SCFD2: variants seen among roughly 807,000 people sequenced by gnomAD.
The protein encoded by SCFD2 is sec1 family domain containing 2.
Under a neutral mutation model 58.9 loss-of-function variants are expected in SCFD2, and 54 were observed. That is an observed-to-expected ratio of 0.92 (90% CI 0.74 to 1.15). The LOEUF is 1.15. Among genes scored for constraint, SCFD2 ranks in the 50% most tolerant of loss-of-function variants. The pLI is 0.00. For missense variants in SCFD2, 805 were observed against 836.6 expected (o/e 0.96, Z 0.47); for synonymous variants, 321 against 335.9 (o/e 0.96, Z 0.49).
At chr4:52,904,052 C>T (rs1266795274) in intron 7 of SCFD2, among the ~76,000 whole-genome samples, 1 of 152,138 alleles carries the variant, frequency 6.6e-6, no homozygotes, top group East Asian at 1.9e-4. Flanking sequence ...CACTCCACAC[C>T]CCACGGGAAT....
chr4:53,303,479 T>C (rs375594657), intron 3 of SCFD2, among the ~76,000 whole-genome samples: 4 of 152,032 alleles, frequency 2.6e-5, no homozygotes, highest in Admixed American at 1.3e-4. Flanking sequence ...TGTGGAAAAA[T>C]AGGAATACTT....
intron 3 of SCFD2, among the ~76,000 whole-genome samples, chr4:53,299,057 T>C (rs1453971203): frequency 4.6e-5 from 7 of 152,192 alleles, no homozygotes; most frequent in Non-Finnish European, 5.9e-5. Context: ...TCCAAAGGAA[T>C]GCAGCTCCTC....
At chr4:53,290,415 T>C (rs1402475673) in intron 3 of SCFD2, among the ~76,000 whole-genome samples, 1 of 152,046 alleles carries the variant, frequency 6.6e-6, no homozygotes, top group Admixed American at 6.6e-5. Context: ...TTTAAAAATA[T>C]CTTGAGACAA....
At chr4:52,928,634 G>C (rs1303337557) in intron 5 of SCFD2, among the ~76,000 whole-genome samples, 3 of 152,146 alleles carry the variant, frequency 2.0e-5, no homozygotes, top group Non-Finnish European at 4.4e-5. Context: ...ATGACTGTTG[G>C]TGCACTGAAT....
chr4:53,110,095 A>C (rs1725126148), intron 5 of SCFD2, among the ~76,000 whole-genome samples: 1 of 145,244 alleles, frequency 6.9e-6, no homozygotes, highest in South Asian at 2.2e-4. Context: ...CGACACACCT[A>C]CAACCATCTG....
chr4:53,009,164 C>T (rs777569163), intron 5 of SCFD2, among the ~76,000 whole-genome samples: 4 of 152,284 alleles, frequency 2.6e-5, no homozygotes, highest in African/African-American at 4.8e-5. Context: ...TTATTATTTT[C>T]GTCCAGTATT....
intron 6 of SCFD2, among the ~76,000 whole-genome samples, chr4:52,908,544 C>T (rs1292769434): frequency 6.6e-6 from 1 of 152,162 alleles, no homozygotes; most frequent in African/African-American, 2.4e-5. Flanking sequence ...ACAGTTGAGG[C>T]ATATCCTGTA....
intron 5 of SCFD2, among the ~76,000 whole-genome samples, chr4:53,089,151 C>T (rs183111308): frequency 3.3e-5 from 5 of 152,256 alleles, no homozygotes; most frequent in African/African-American, 9.6e-5. Context: ...CTACAAGCTA[C>T]CTAGTCTATG....
chr4:53,314,369 T>C (rs1732793171), intron 2 of SCFD2, among the ~76,000 whole-genome samples: 1 of 152,188 alleles, frequency 6.6e-6, no homozygotes, highest in African/African-American at 2.4e-5. Flanking sequence ...AATTAACCGT[T>C]GATAACAGCA....
intron 2 of SCFD2, among the ~76,000 whole-genome samples, chr4:53,314,316 T>C (rs9998307): frequency 0.71 from 108,636 of 152,140 alleles, 38,966 homozygotes; most frequent in Middle Eastern, 0.8. Context: ...GTATCCCACT[T>C]TGGGCCTTAG....
At chr4:53,286,494 G>A (rs967641470) in intron 3 of SCFD2, among the ~76,000 whole-genome samples, 3 of 152,028 alleles carry the variant, frequency 2.0e-5, no homozygotes, top group African/African-American at 4.8e-5. Flanking sequence ...GAGCTGCACC[G>A]TCTCCCAGTA....
At chr4:53,320,600 A>C (rs1423216375) in intron 2 of SCFD2, among the ~76,000 whole-genome samples, 3 of 152,148 alleles carry the variant, frequency 2.0e-5, no homozygotes, top group African/African-American at 7.2e-5. Context: ...CTGGGAGAGA[A>C]GAGTAAAACC....
At chr4:53,336,156 G>A (rs1733677541) in intron 2 of SCFD2, among the ~76,000 whole-genome samples, 1 of 152,206 alleles carries the variant, frequency 6.6e-6, no homozygotes, top group African/African-American at 2.4e-5. Flanking sequence ...GGATAATACA[G>A]GTCTTGGCTA....
At chr4:52,927,381 C>G (rs1479786840) in intron 5 of SCFD2, among the ~76,000 whole-genome samples, 1 of 152,050 alleles carries the variant, frequency 6.6e-6, no homozygotes. Flanking sequence ...AGATTTCCGA[C>G]ATACCACATG....
chr4:52,915,187 T>C (rs1196832930), intron 6 of SCFD2, among the ~76,000 whole-genome samples: 1 of 152,206 alleles, frequency 6.6e-6, no homozygotes, highest in African/African-American at 2.4e-5. Context: ...TTGGTGCACC[T>C]TAAAAATGAC....
chr4:53,237,958 A>AC (rs1266317068), intron 4 of SCFD2, among the ~76,000 whole-genome samples: 12 of 76,928 alleles, frequency 1.6e-4, no homozygotes, highest in Non-Finnish European at 2.3e-4. Context: ...CGAGGGGCTG[A>AC]CCCCCCCACC....
chr4:53,263,206 G>A (rs925384681), intron 4 of SCFD2, among the ~76,000 whole-genome samples: 10 of 151,802 alleles, frequency 6.6e-5, no homozygotes, highest in South Asian at 2.1e-4. Context: ...TTTCTCTGGC[G>A]TCTCCTTGAT....
chr4:52,980,301 A>G (rs902927772), intron 5 of SCFD2, among the ~76,000 whole-genome samples: 7 of 152,180 alleles, frequency 4.6e-5, no homozygotes, highest in African/African-American at 1.7e-4. Flanking sequence ...AGGCACTATG[A>G]TTATTCCTGG....
chr4:53,298,926 A>G (rs1261878998), intron 3 of SCFD2, among the ~76,000 whole-genome samples: 1 of 152,244 alleles, frequency 6.6e-6, no homozygotes, highest in East Asian at 1.9e-4. Context: ...AAGGACATCC[A>G]CACCAAAAAC....
Sources: allele counts gnomAD v4.1 joint callset (sites outside exome capture counted in the v4.1 genomes callset), GRCh38; gene constraint gnomAD v4.1.1; transcripts MANE v1.5; gene names NCBI Gene and HGNC (gene_info 2026-07-23, HGNC 2026-07-21).